C2orf92: variants seen among roughly 807,000 people sequenced by gnomAD.
C2orf92 encodes chromosome 2 open reading frame 92, also known as uncharacterized protein C2orf92.
upstream of C2orf92, chr2:97,664,800 C>G (rs1055518420): frequency 8.5e-5 from 13 of 152,178 alleles, no homozygotes; most frequent in Admixed American, 2.6e-4. Context: ...GCCTCGAACT[C>G]CTGAGCTTAA....
intron 3 of C2orf92, among the ~76,000 whole-genome samples, chr2:97,684,233 C>T (rs1294281203): frequency 6.6e-6 from 1 of 152,042 alleles, no homozygotes; most frequent in East Asian, 1.9e-4. Context: ...GATGGGGTTT[C>T]ACCATGGTAG....
chr2:97,672,121 G>A lies in C2orf92; in HGVS notation c.46+2287G>A, dbSNP rs563594056. Among the ~76,000 whole-genome samples, 2 of 152,194 alleles carry A rather than the reference G, an allele frequency of 1.3e-5. 1 individual carries two copies. The highest frequency in any genetic ancestry group is 4.2e-4 in the South Asian group (2 of 4,818). On this transcript the variant is annotated intron_variant, in intron 1 of 7. Coordinates refer to ENST00000627399, the MANE Select transcript of C2orf92 (RefSeq NM_001351368.2). ...GCTGAAGGAAGCTGTCCAAAGGCCAGTGAAGTCTCTCCTGAGGGTGCCTGG... is the reference window on the plus strand; with the variant it reads ...GCTGAAGGAAGCTGTCCAAAGGCCAATGAAGTCTCTCCTGAGGGTGCCTGG...
intron 3 of C2orf92, among the ~76,000 whole-genome samples, chr2:97,684,037 T>C (rs1319699788): frequency 4.8e-5 from 7 of 145,544 alleles, no homozygotes; most frequent in African/African-American, 1.8e-4. Flanking sequence ...GCTAATTTTT[T>C]TTTTTTTTTT....
At chr2:97,685,770 C>T (rs532212481) in intron 3 of C2orf92, among the ~76,000 whole-genome samples, 59 of 152,034 alleles carry the variant, frequency 3.9e-4, no homozygotes, top group Non-Finnish European at 7.2e-4. Context: ...GCCATGTGGG[C>T]CGGGCTGGTC....
At chr2:97,696,592 T>C (rs1676313045) in intron 5 of C2orf92, among the ~76,000 whole-genome samples, 1 of 152,036 alleles carries the variant, frequency 6.6e-6, no homozygotes, top group South Asian at 2.1e-4. Flanking sequence ...AAATATTAGC[T>C]GGGTGTGCTG....
At chr2:97,666,347 C>T (rs1675229125), upstream of C2orf92, among the ~76,000 whole-genome samples, 1 of 151,842 alleles carries the variant, frequency 6.6e-6, no homozygotes, top group Non-Finnish European at 1.5e-5. Context: ...ACCATCCTGG[C>T]TAACACGGTG....
chr2:97,693,166 T>C (rs1243133177), intron 5 of C2orf92, among the ~76,000 whole-genome samples: 1 of 152,224 alleles, frequency 6.6e-6, no homozygotes, highest in East Asian at 1.9e-4. Flanking sequence ...ATTTCCTTTC[T>C]TTTTAAGGCT....
At chr2:97,684,158 C>G (rs1675875266) in intron 3 of C2orf92, among the ~76,000 whole-genome samples, 1 of 151,936 alleles carries the variant, frequency 6.6e-6, no homozygotes, top group East Asian at 1.9e-4. Flanking sequence ...GCCTCAGCCT[C>G]CCGAGTAGCT....
intron 5 of C2orf92, among the ~76,000 whole-genome samples, chr2:97,693,530 G>A (rs1676207668): frequency 6.6e-6 from 1 of 152,038 alleles, no homozygotes; most frequent in African/African-American, 2.4e-5. Flanking sequence ...CTGAATTTTT[G>A]GAACTAATCA....
At position 97,701,246 on chromosome 2, in the gene C2orf92, A is replaced by G. The variant is rs1190115451; in HGVS notation, c.607A>G (p.Met203Val). 2.5e-6 allele frequency: 1 copy of G among 399,104 alleles called. No homozygotes were observed. Among genetic ancestry groups the G allele is most frequent in the African/African-American group, 2.1e-5 (1 of 48,762 alleles). The allele number at this position is 399,104 out of a possible 1,614,324, so 24.7% of individuals were successfully genotyped here. ...CGCCGTCTCAGGGGTGGCCATCCTC[A>G]TGGCCATCGTGCTGTTGCTGCTTGG... ...IAAVSGVAILMAIVLLLLGLA... is the reference protein window; with the variant it reads ...IAAVSGVAILVAIVLLLLGLA... Residue 203 changes from methionine (M) to valine (V), a missense_variant, in exon 7 of 8, where the codon ATG becomes GTG. Coordinates refer to ENST00000627399, the MANE Select transcript of C2orf92 (RefSeq NM_001351368.2).
At chr2:97,698,857 A>T (rs1413344308) in intron 5 of C2orf92, among the ~76,000 whole-genome samples, 169 bp from the exon 6 acceptor site, 1 of 152,242 alleles carries the variant, frequency 6.6e-6, no homozygotes, top group Non-Finnish European at 1.5e-5. Flanking sequence ...AAAAGTAAAC[A>T]AAAACAATAA....
rs527638918 is a variant in C2orf92 at position 97,700,413 on chromosome 2, CAG to C, written c.515-738_515-737del. Among the ~76,000 whole-genome samples the C allele has an allele frequency of 2.0e-5, 3 of 152,286 alleles. No homozygotes were observed. The South Asian group carries it at 6.2e-4, about 32-fold the overall frequency. On this transcript the variant is annotated intron_variant, in intron 6 of 7. Coordinates refer to ENST00000627399, the MANE Select transcript of C2orf92 (RefSeq NM_001351368.2). ...TATATCACTGCCCTGTGAAAAGCTGCAGAGTGTTCGCCTCCATTGTTCTTAAA... is the reference window on the plus strand; with the variant it reads ...TATATCACTGCCCTGTGAAAAGCTGCAGTGTTCGCCTCCATTGTTCTTAAA...
At chr2:97,668,971 C>CAAGTTT (rs1675318881), upstream of C2orf92, 1 of 151,858 alleles carries the variant, frequency 6.6e-6, no homozygotes, top group African/African-American at 2.4e-5. Context: ...ACTCTTTGTG[C>CAAGTTT]AAGTTTTTAC....
chr2:97,679,673 C>G (rs1056413269), intron 3 of C2orf92, among the ~76,000 whole-genome samples: 1 of 151,424 alleles, frequency 6.6e-6, no homozygotes, highest in African/African-American at 2.4e-5. Flanking sequence ...GAAACCCTAT[C>G]TCTACTAAAA....
At chr2:97,701,760 C>G (rs1389157866) in intron 7 of C2orf92, among the ~76,000 whole-genome samples, 1 of 152,220 alleles carries the variant, frequency 6.6e-6, no homozygotes, top group East Asian at 1.9e-4. Context: ...ATACTGAAAG[C>G]CTTCCCCGAG....
At position 97,673,965 on chromosome 2, in the gene C2orf92, G is replaced by A. The variant is rs550379416; in HGVS notation, c.47-491G>A. ...AAGATCATCCCGGTGAGGGCAGTCC[G>A]TGTGTTGCCATAGTTGCTGTACCGG... On this transcript the variant is annotated intron_variant, in intron 1 of 7. Transcript: ENST00000627399. 5.3e-5 allele frequency among the ~76,000 whole-genome samples: 8 copies of A among 152,308 alleles called. No homozygotes were observed. In the South Asian group the frequency reaches 8.3e-4, roughly 16 times the overall value.
At chr2:97,670,610 A>T (rs1294934553) in intron 1 of C2orf92, 1 of 152,042 alleles carries the variant, frequency 6.6e-6, no homozygotes, top group Non-Finnish European at 1.5e-5. Context: ...TGTCACCCAG[A>T]GCTGGAGTGC....
At chr2:97,690,122 C>T (rs1171570484) in intron 4 of C2orf92, 134 bp from the exon 5 acceptor site, 3 of 352,840 alleles carry the variant, frequency 8.5e-6, no homozygotes, top group East Asian at 8.0e-5. Context: ...CTGCGAGACT[C>T]TGTCTCAAAA....
chr2:97,696,552 A>C (rs1676312235), intron 5 of C2orf92, among the ~76,000 whole-genome samples: 1 of 152,184 alleles, frequency 6.6e-6, no homozygotes, highest in South Asian at 2.1e-4. Context: ...CCTGGCCAAC[A>C]TGGTGAAACC....
Sources: gnomAD v4.1 joint callset for allele counts (sites outside exome capture counted in the v4.1 genomes callset) on GRCh38, gnomAD v4.1.1 for gene constraint, MANE v1.5 for transcripts, NCBI Gene and HGNC (gene_info 2026-07-23, HGNC 2026-07-21) for gene names.